SCRN1: variants seen among roughly 807,000 people sequenced by gnomAD.
SCRN1 encodes the protein secernin 1.
A neutral mutation model predicts 43.3 loss-of-function variants in SCRN1; 19 were observed. The ratio of observed to expected loss-of-function variants is 0.44; its 90% CI spans 0.31 to 0.64. The LOEUF (loss-of-function observed/expected upper bound fraction) is 0.64, where lower values mean the gene tolerates loss of function less well. Ranked by LOEUF, SCRN1 falls within the 30% of genes least tolerant of loss-of-function variation. SCRN1 has a pLI of 0.09. For synonymous variants in SCRN1, 183 were observed against 188.9 expected, an observed-to-expected ratio of 0.97 and a Z score of 0.26; for missense variants, 447 against 524.1, an observed-to-expected ratio of 0.85 and a Z score of 1.44.
At chr7:29,941,957 C>G (rs1294903326) in intron 4 of SCRN1, among the ~76,000 whole-genome samples, 2 of 152,308 alleles carry the variant, frequency 1.3e-5, no homozygotes, top group East Asian at 3.9e-4. Context: ...TGCCTGAAAA[C>G]CAGTTCCTAG....
At chr7:29,974,689 T>C (rs866601139) in intron 1 of SCRN1, among the ~76,000 whole-genome samples, 65 of 148,990 alleles carry the variant, frequency 4.4e-4, no homozygotes, top group East Asian at 1.2e-3. Context: ...TTCTTTCTTT[T>C]TTTTTTTTTT....
At chr7:29,990,088 A>G, upstream of SCRN1, 1 of 1,543,690 alleles carries the variant, frequency 6.5e-7, no homozygotes, top group Non-Finnish European at 8.7e-7. Flanking sequence ...AGCCAGGCCC[A>G]GCATCCTTTT....
chr7:29,983,037 C>T (rs902089363), intron 1 of SCRN1, among the ~76,000 whole-genome samples: 1 of 151,904 alleles, frequency 6.6e-6, no homozygotes, highest in Non-Finnish European at 1.5e-5. Flanking sequence ...CGTGGTTTCA[C>T]CATGTTGGCC....
chr7:29,989,896 C>G (rs1789312348), upstream of SCRN1: 2 of 1,068,850 alleles, frequency 1.9e-6, no homozygotes, highest in South Asian at 7.3e-5. Flanking sequence ...CCCCGGGGCC[C>G]CGCCGCACCC....
At chr7:29,972,747 T>C (rs928579766) in intron 1 of SCRN1, among the ~76,000 whole-genome samples, 1 of 152,308 alleles carries the variant, frequency 6.6e-6, no homozygotes, top group African/African-American at 2.4e-5. Context: ...ATGACTTTTC[T>C]GAAAAGAAAA....
chr7:29,921,423 C>G lies in SCRN1; in HGVS notation c.*2534G>C, dbSNP rs1175847187. 2 of 152,188 alleles carry G rather than the reference C, an allele frequency of 1.3e-5. No homozygotes were observed. 9.4% of individuals were successfully genotyped at this position (152,188 alleles called of 1,614,324 possible). ...TAACAGCCTGCTCAAAACCCAACAA[C>G]CTATTTCCAGCTGTTAATATAAGTA... On this transcript the variant is annotated 3_prime_UTR_variant, in exon 8 of 8. Coordinates refer to ENST00000242059, the MANE Select transcript of SCRN1 (RefSeq NM_014766.5).
In SCRN1 at chr7:29,952,950, T is replaced by C. The variant is rs564303230; in HGVS notation, c.341+2229A>G. Among the ~76,000 whole-genome samples the C allele has an allele frequency of 2.6e-5, 4 of 152,360 alleles. No individual in the cohort carries two copies. The South Asian group carries it at 6.2e-4, about 24-fold the overall frequency. On this transcript the variant is annotated intron_variant, in intron 3 of 7. Transcript: ENST00000242059. Reference sequence around the variant, plus strand: ...AGCCCAAGATGGAGTTAACGTTATATGGTGAAGGTTAAACTCTCACCCTGT... The same window carrying C: ...AGCCCAAGATGGAGTTAACGTTATACGGTGAAGGTTAAACTCTCACCCTGT...
intron 1 of SCRN1, among the ~76,000 whole-genome samples, chr7:29,970,785 C>T (rs993370411): frequency 6.6e-6 from 1 of 152,200 alleles, no homozygotes; most frequent in Non-Finnish European, 1.5e-5. Context: ...ATGCCCTGCC[C>T]TTAGTCTTTG....
At chr7:29,979,443 A>G (rs141396723) in intron 1 of SCRN1, among the ~76,000 whole-genome samples, 21 of 152,330 alleles carry the variant, frequency 1.4e-4, no homozygotes, top group African/African-American at 4.8e-4. Flanking sequence ...TGTAATGAAT[A>G]TATGTTATGA....
chr7:29,929,270 A>C (rs1205833369), intron 6 of SCRN1, among the ~76,000 whole-genome samples: 1 of 152,182 alleles, frequency 6.6e-6, no homozygotes, highest in East Asian at 1.9e-4. Flanking sequence ...GGGCAAAGCC[A>C]AGACTCCCAC....
At chr7:29,979,620 T>C (rs1263619928) in intron 1 of SCRN1, among the ~76,000 whole-genome samples, 1 of 152,218 alleles carries the variant, frequency 6.6e-6, no homozygotes, top group African/African-American at 2.4e-5. Flanking sequence ...TACCCAGTGA[T>C]TCTCTATCCA....
intron 6 of SCRN1, among the ~76,000 whole-genome samples, chr7:29,934,561 T>C (rs77868736): frequency 0.038 from 5,798 of 152,292 alleles, 160 homozygotes; most frequent in African/African-American, 0.081. Flanking sequence ...CAAGGGGCTA[T>C]TGAGCCACCA....
chr7:29,926,688 C>A, intron 6 of SCRN1, 56 bp from the exon 7 acceptor site: 1 of 1,491,756 alleles, frequency 6.7e-7, no homozygotes. Context: ...CGGGAACACC[C>A]AGAGACTGTC....
At chr7:29,963,008 A>G (rs1399821782) in intron 2 of SCRN1, among the ~76,000 whole-genome samples, 1 of 151,834 alleles carries the variant, frequency 6.6e-6, no homozygotes, top group Non-Finnish European at 1.5e-5. Context: ...TGGAACTGAG[A>G]CCCGGAGTCA....
rs767965419 is a variant in SCRN1 at position 29,940,679 on chromosome 7, C to T, written c.739+3G>A. 6.3e-7 allele frequency: 1 copy of T among 1,591,922 alleles called. No homozygotes were observed. Among genetic ancestry groups the T allele is most frequent in the Non-Finnish European group, 8.5e-7 (1 of 1,173,408 alleles). Reference sequence around the variant, plus strand: ...GAGAATCGTGAGGGAGAGACTAACTCACCTTCTTGTTTTTCTAAGCTGTCT... The same window carrying T: ...GAGAATCGTGAGGGAGAGACTAACTTACCTTCTTGTTTTTCTAAGCTGTCT... On this transcript the variant is annotated splice_donor_region_variant and intron_variant, in intron 5 of 7. Transcript: ENST00000242059.
chr7:29,987,710 C>T (rs1239591955), intron 1 of SCRN1, among the ~76,000 whole-genome samples: 1 of 152,184 alleles, frequency 6.6e-6, no homozygotes, highest in Non-Finnish European at 1.5e-5. Flanking sequence ...GAAGTGTTTG[C>T]CTTCCTAATA....
intron 1 of SCRN1, among the ~76,000 whole-genome samples, chr7:29,987,166 C>T (rs1291053723): frequency 5.3e-5 from 8 of 152,212 alleles, no homozygotes; most frequent in Admixed American, 5.2e-4. Flanking sequence ...TCCCTCTGCA[C>T]ATCACTGGCT....
At chr7:29,968,866 A>T (rs758432182) in intron 2 of SCRN1, 43 bp downstream of exon 2, 6 of 1,611,094 alleles carry the variant, frequency 3.7e-6, no homozygotes, top group Non-Finnish European at 5.1e-6. Context: ...GCAAAGCCAG[A>T]GAAAAGAGAG....
chr7:29,954,429 A>C (rs531607625), intron 3 of SCRN1, among the ~76,000 whole-genome samples: 1 of 152,226 alleles, frequency 6.6e-6, no homozygotes, highest in South Asian at 2.1e-4. Flanking sequence ...TGCAGCCATC[A>C]CCACAATCTA....
Sources: gnomAD v4.1 joint callset for allele counts (sites outside exome capture counted in the v4.1 genomes callset) on GRCh38, gnomAD v4.1.1 for gene constraint, MANE v1.5 for transcripts, NCBI Gene and HGNC (gene_info 2026-07-23, HGNC 2026-07-21) for gene names.